MTERF2: variants seen among roughly 807,000 people sequenced by gnomAD.
MTERF2 encodes the protein mitochondrial transcription termination factor 2.
A neutral mutation model predicts 29.2 loss-of-function variants in MTERF2; 23 were observed. The observed-to-expected ratio is 0.79, with a 90% CI of 0.57 to 1.12. The LOEUF (loss-of-function observed/expected upper bound fraction) is 1.12. Among genes scored for constraint, MTERF2 ranks in the 50% most tolerant of loss-of-function variants. The probability of loss-of-function intolerance (pLI) is 0.00; values close to 1 mark genes in which losing one functional copy is unlikely to be tolerated. For missense variants in MTERF2, 440 were observed against 429.4 expected (o/e 1.02, Z -0.22); for synonymous variants, 157 against 159.5 (o/e 0.98, Z 0.12).
At chr12:106,984,925 C>T (rs919836170) in intron 2 of MTERF2, among the ~76,000 whole-genome samples, 190 bp downstream of exon 2, 3 of 152,188 alleles carry the variant, frequency 2.0e-5, no homozygotes, top group Non-Finnish European at 4.4e-5. Context: ...CCCAGCCTTC[C>T]TTATCTCTTT....
At position 106,978,703 on chromosome 12, in the gene MTERF2, C is replaced by T. The variant is rs148397584; in HGVS notation, c.12G>A (p.Lys4=). 1.2e-5 allele frequency: 20 copies of T among 1,612,828 alleles called. No homozygotes were observed. Among genetic ancestry groups the T allele is most frequent in the Non-Finnish European group, 1.7e-5 (20 of 1,179,384 alleles). ...TGCAGGACTGGGATCTCAGCAGCAG[C>T]TTCCACAACATGGCTGCAATCTACT... The part of the protein sequence containing the change: MLW[K]LLLRSQSCRL... Residue 4 remains lysine, a synonymous_variant, in exon 3 of 3, where the codon AAG becomes AAA. Coordinates refer to ENST00000240050, the MANE Select transcript of MTERF2 (RefSeq NM_001033050.3).
At chr12:106,981,984 T>A (rs1439156174) in intron 2 of MTERF2, among the ~76,000 whole-genome samples, 1 of 152,174 alleles carries the variant, frequency 6.6e-6, no homozygotes, top group Non-Finnish European at 1.5e-5. Context: ...TTGGCATACA[T>A]GATGATGTGT....
At chr12:106,983,250 C>T (rs1017898653) in intron 2 of MTERF2, among the ~76,000 whole-genome samples, 21 of 151,982 alleles carry the variant, frequency 1.4e-4, no homozygotes, top group African/African-American at 5.1e-4. Flanking sequence ...AATGTTGTAC[C>T]ACCATGACCA....
intron 2 of MTERF2, among the ~76,000 whole-genome samples, chr12:106,983,526 T>G (rs2136800057): frequency 6.6e-6 from 1 of 152,302 alleles, no homozygotes; most frequent in Admixed American, 6.5e-5. Flanking sequence ...CAGGGAAGTT[T>G]TCCTTGATGA....
At chr12:106,981,962 A>G (rs1952057336) in intron 2 of MTERF2, among the ~76,000 whole-genome samples, 2 of 152,224 alleles carry the variant, frequency 1.3e-5, no homozygotes, top group African/African-American at 4.8e-5. Context: ...ACTGAAGACA[A>G]CTGTTCATAT....
chr12:106,982,944 G>A (rs932917017), intron 2 of MTERF2, among the ~76,000 whole-genome samples: 2 of 152,124 alleles, frequency 1.3e-5, no homozygotes, highest in Non-Finnish European at 2.9e-5. Flanking sequence ...TAAGGGTGAT[G>A]TTTTCATAAT....
Position 106,978,302 on chromosome 12 carries a change from T to C in MTERF2, c.413A>G (p.Glu138Gly). 1 of 1,614,176 alleles carries C rather than the reference T, an allele frequency of 6.2e-7. No individual in the cohort carries two copies. The highest frequency in any genetic ancestry group is 8.5e-7 in the Non-Finnish European group (1 of 1,180,044). ...ELIKLIEQFP[E>G]SFFTIKDQEN... ...TTGGTCTTTAATAGTAAAGAAAGAT[T>C]CTGGAAACTGCTCTATTAACTTGAT... The change falls in exon 3 of 3, where the codon GAA becomes GGA. Residue 138 changes from glutamate to glycine, a missense_variant. Transcript: ENST00000240050.
rs762214013 is a variant in MTERF2 at position 106,978,334 on chromosome 12, TTCC to T, written c.378_380del (p.Glu128del). The T allele has an allele frequency of 1.9e-6, 3 of 1,614,200 alleles. No homozygotes were observed. The highest frequency in any genetic ancestry group is 2.5e-6 in the Non-Finnish European group (3 of 1,180,040). ...ACTGCTCTATTAACTTGATTAACTC[TTCC>T]TCATTTTTGCAGACCAACTGCCAGA... is the stretch of plus-strand genomic sequence containing the variant. On this transcript the variant is annotated inframe_deletion, in exon 3 of 3. Transcript: ENST00000240050.
chr12:106,978,498 C>A lies in MTERF2; in HGVS notation c.217G>T (p.Asp73Tyr), dbSNP rs1952016545. 2 of 1,614,070 alleles carry A rather than the reference C, an allele frequency of 1.2e-6. No individual in the cohort carries two copies. Among genetic ancestry groups the A allele is most frequent in the Non-Finnish European group, 8.5e-7 (1 of 1,180,012 alleles). Reference protein sequence around the residue: ...RRLKGWVLLEDETYVEEIANI... With the variant: ...RRLKGWVLLEYETYVEEIANI... The stretch of plus-strand genomic sequence containing the variant: ...GCAATTTCTTCAACATAGGTTTCAT[C>A]CTCTAAAAGTACCCATCCTTTTAAT... Residue 73 changes from aspartate (D) to tyrosine (Y), a missense_variant, in exon 3 of 3, where the codon GAT becomes TAT. Asp to Tyr is a radical substitution (Grantham distance 160, BLOSUM62 -3). Transcript: ENST00000240050.
chr12:106,980,035 C>A (rs1044119260), intron 2 of MTERF2, among the ~76,000 whole-genome samples: 5 of 152,080 alleles, frequency 3.3e-5, no homozygotes, highest in African/African-American at 1.2e-4. Flanking sequence ...GTAGCTGGGA[C>A]TACAGGTGTG....
At chr12:106,979,930 TC>T (rs1952036827) in intron 2 of MTERF2, among the ~76,000 whole-genome samples, 1 of 152,042 alleles carries the variant, frequency 6.6e-6, no homozygotes, top group African/African-American at 2.4e-5. Flanking sequence ...ACAGAGTCTC[TC>T]TCTGTTGCCA....
At chr12:106,984,930 CTCTTT>C (rs1952093376) in intron 2 of MTERF2, among the ~76,000 whole-genome samples, 180 bp downstream of exon 2, 1 of 152,210 alleles carries the variant, frequency 6.6e-6, no homozygotes, top group African/African-American at 2.4e-5. Flanking sequence ...CCTTCCTTAT[CTCTTT>C]TGACTTCTGC....
intron 2 of MTERF2, among the ~76,000 whole-genome samples, chr12:106,979,243 A>C (rs1952027707): frequency 6.6e-6 from 1 of 152,144 alleles, no homozygotes; most frequent in Non-Finnish European, 1.5e-5. Context: ...GCACACACAC[A>C]CAAACATGGT....
In MTERF2 at chr12:106,979,671, C is replaced by T. The variant is rs966629534; in HGVS notation, c.-57-900G>A. Among the ~76,000 whole-genome samples the T allele has an allele frequency of 3.5e-4, 53 of 152,094 alleles. 1 individual carries two copies. The highest frequency in any genetic ancestry group is 2.4e-3 in the Admixed American group (37 of 15,278). On this transcript the variant is annotated intron_variant, in intron 2 of 2. Coordinates refer to ENST00000240050, the MANE Select transcript of MTERF2 (RefSeq NM_001033050.3). ...TGCCACATGACTGTTCCCGTGGTGC[C>T]ATGGGAAATCAGGTCAGCTGTGGAA...
At chr12:106,983,160 G>T (rs1952070511) in intron 2 of MTERF2, among the ~76,000 whole-genome samples, 1 of 151,958 alleles carries the variant, frequency 6.6e-6, no homozygotes, top group Non-Finnish European at 1.5e-5. Flanking sequence ...TTTTTTAATT[G>T]TAGTAAGATA....
chr12:106,983,175 TAAC>T (rs1294080801), intron 2 of MTERF2, among the ~76,000 whole-genome samples: 2 of 152,288 alleles, frequency 1.3e-5, no homozygotes, highest in Middle Eastern at 3.4e-3. Flanking sequence ...AAGATATAAA[TAAC>T]AAAAAATTTA....
chr12:106,978,210 G>A lies in MTERF2; in HGVS notation c.505C>T (p.Leu169Phe), dbSNP rs1241741084. Reference protein sequence around the residue: ...LGLKNVVISRLLTAAPNVFHN... With the variant: ...LGLKNVVISRFLTAAPNVFHN... ...AAAACATTAGGTGCAGCTGTCAAAA[G>A]TCTGCTAATGACCACATTTTTTAGT... Residue 169 changes from leucine (L) to phenylalanine (F), a missense_variant, in exon 3 of 3, where the codon CTT (leucine) becomes TTT (phenylalanine). Leu to Phe is a conservative substitution (Grantham distance 22, BLOSUM62 0). Coordinates refer to ENST00000240050, the MANE Select transcript of MTERF2 (RefSeq NM_001033050.3). 6.2e-7 allele frequency: 1 copy of A among 1,613,678 alleles called. No homozygotes were observed. The highest frequency in any genetic ancestry group is 1.1e-5 in the South Asian group (1 of 90,900).
Position 106,977,883 on chromosome 12 carries a change from C to G in MTERF2, c.832G>C (p.Asp278His). The G allele has an allele frequency of 6.2e-7, 1 of 1,613,962 alleles. No individual in the cohort carries two copies. Among genetic ancestry groups the G allele is most frequent in the Non-Finnish European group, 8.5e-7 (1 of 1,180,002 alleles). Residue 278 changes from aspartate (D) to histidine (H), a missense_variant, in exon 3 of 3, where the codon GAT becomes CAT. Transcript: ENST00000240050. ...SFSKNAFKCT[D>H]HDLKQLVLKC... ...AAAACTAATTGCTTCAGGTCATGAT[C>G]TGTGCATTTAAAAGCATTTTTAGAG...
Position 106,977,463 on chromosome 12 carries a change from TA to T in MTERF2, c.*93del. On this transcript the variant is annotated 3_prime_UTR_variant, in exon 3 of 3. Coordinates refer to ENST00000240050, the MANE Select transcript of MTERF2 (RefSeq NM_001033050.3). ...ACAACACAGAAGCTAAGCAGGTTCT[TA>T]AAATTACTGGTGTCTACAAACTGCC... 8.8e-7 allele frequency: 1 copy of T among 1,136,480 alleles called. No individual in the cohort carries two copies. The highest frequency in any genetic ancestry group is 1.2e-6 in the Non-Finnish European group (1 of 800,274). The allele number at this position is 1,136,480 out of a possible 1,614,324, so 70.4% of individuals were successfully genotyped here.
Sources: allele counts gnomAD v4.1 joint callset (sites outside exome capture counted in the v4.1 genomes callset), GRCh38; gene constraint gnomAD v4.1.1; transcripts MANE v1.5; gene names NCBI Gene and HGNC (gene_info 2026-07-23, HGNC 2026-07-21).